Variants in PTPRO observed in about 807,000 individuals in gnomAD.
The protein encoded by PTPRO is protein tyrosine phosphatase receptor type O.
Under a neutral mutation model 145.2 loss-of-function variants are expected in PTPRO, and 62 were observed. The ratio of observed to expected loss-of-function variants is 0.43; its 90% CI spans 0.35 to 0.53. The LOEUF (loss-of-function observed/expected upper bound fraction) is 0.53. PTPRO is among the 20% of genes least tolerant of loss of function. The pLI is 0.01. For synonymous variants in PTPRO, 565 were observed against 514.7 expected, an observed-to-expected ratio of 1.10 and a Z score of -1.32; for missense variants, 1,345 against 1,482.7, an observed-to-expected ratio of 0.91 and a Z score of 1.53.
At chr12:15,427,434 G>T (rs538792934) in intron 1 of PTPRO, among the ~76,000 whole-genome samples, 1 of 151,742 alleles carries the variant, frequency 6.6e-6, no homozygotes, top group East Asian at 1.9e-4. Flanking sequence ...ATTAATGTTT[G>T]CATGTCTGTC....
Position 15,594,945 on chromosome 12 carries a change from C to T in PTPRO, c.3555C>T (p.Tyr1185=), listed in dbSNP as rs1174432439. Residue 1185 remains tyrosine (Y), a synonymous_variant, in exon 26 of 27, where the codon TAC becomes TAT. Transcript: ENST00000281171. The part of the protein sequence containing the change: ...RMSMVQTEEQ[Y]IFIHQCVQLM... ...TTTGTCTTTTGTTCCAGGAGCAGTA[C>T]ATTTTTATCCATCAGTGTGTGCAAC... 4 of 1,613,084 alleles carry T rather than the reference C, an allele frequency of 2.5e-6. No homozygotes were observed. Among genetic ancestry groups the T allele is most frequent in the African/African-American group, 1.3e-5 (1 of 74,894 alleles).
chr12:15,466,548 C>T (rs1170561275), intron 1 of PTPRO, among the ~76,000 whole-genome samples: 1 of 152,148 alleles, frequency 6.6e-6, no homozygotes, highest in East Asian at 1.9e-4. Flanking sequence ...TAGTAATATG[C>T]ATTAAATGTA....
chr12:15,472,431 C>T (rs73059078), intron 1 of PTPRO, among the ~76,000 whole-genome samples: 31,655 of 152,156 alleles, frequency 0.21, 4,156 homozygotes, highest in Admixed American at 0.31. Context: ...CTTAGCAAGG[C>T]GTGTCTTGGT....
intron 1 of PTPRO, among the ~76,000 whole-genome samples, chr12:15,453,712 G>T (rs1008489234): frequency 6.6e-6 from 1 of 152,058 alleles, no homozygotes; most frequent in Non-Finnish European, 1.5e-5. Flanking sequence ...AAACTTTATA[G>T]CCTTTAAAAT....
intron 9 of PTPRO, 108 bp downstream of exon 9, chr12:15,517,064 TAC>T: frequency 9.4e-7 from 1 of 1,062,006 alleles, no homozygotes; most frequent in Middle Eastern, 2.0e-4. Context: ...ATTTTGTAAA[TAC>T]ACATAGTGTG....
intron 26 of PTPRO, 147 bp downstream of exon 26, chr12:15,595,204 T>C: frequency 4.4e-6 from 3 of 674,852 alleles, no homozygotes; most frequent in South Asian, 1.6e-5. Context: ...CTCACATGGG[T>C]GGTCACAGGG....
intron 1 of PTPRO, among the ~76,000 whole-genome samples, chr12:15,483,014 G>A (rs1941811813): frequency 6.6e-6 from 1 of 152,076 alleles, no homozygotes; most frequent in Non-Finnish European, 1.5e-5. Flanking sequence ...TATATATGGA[G>A]CGCCTGGCAT....
intron 7 of PTPRO, among the ~76,000 whole-genome samples, chr12:15,513,070 A>C (rs1942474525): frequency 1.4e-5 from 1 of 70,642 alleles, no homozygotes; most frequent in Admixed American, 1.9e-4. Flanking sequence ...AAGAGAAAGA[A>C]GGAAAGAAAG....
chr12:15,490,144 G>T (rs528415848), intron 2 of PTPRO, among the ~76,000 whole-genome samples: 55 of 152,352 alleles, frequency 3.6e-4, no homozygotes, highest in African/African-American at 1.3e-3. Context: ...TAGCAAAGCT[G>T]CAAGCCAAGA....
At chr12:15,554,745 A>T (rs1410380876) in intron 15 of PTPRO, among the ~76,000 whole-genome samples, 1 of 152,152 alleles carries the variant, frequency 6.6e-6, no homozygotes, top group East Asian at 1.9e-4. Context: ...CCACTGACTC[A>T]TATGTTAATC....
Position 15,504,447 on chromosome 12 carries a change from A to T in PTPRO, c.1267+378A>T, listed in dbSNP as rs575561119. Among the ~76,000 whole-genome samples, 8 of 152,298 alleles carry T rather than the reference A, an allele frequency of 5.3e-5. No individual in the cohort carries two copies. In the East Asian group the frequency reaches 1.5e-3, roughly 29 times the overall value. Reference sequence around the variant, plus strand: ...GGACTGTGAAAAATCTCATTAGAGTATTGAGCTTGTGAGGCTCAAAAGAAA... The same window carrying T: ...GGACTGTGAAAAATCTCATTAGAGTTTTGAGCTTGTGAGGCTCAAAAGAAA... On this transcript the variant is annotated intron_variant, in intron 6 of 26. Transcript: ENST00000281171.
chr12:15,560,581 A>G (rs1248524197), intron 17 of PTPRO, among the ~76,000 whole-genome samples: 4 of 152,032 alleles, frequency 2.6e-5, no homozygotes, highest in South Asian at 2.1e-4. Context: ...TCCATTTTCC[A>G]TTATCATCTT....
intron 1 of PTPRO, among the ~76,000 whole-genome samples, chr12:15,368,443 C>T (rs1046851938): frequency 1.3e-5 from 2 of 152,190 alleles, no homozygotes; most frequent in African/African-American, 4.8e-5. Context: ...GCCACTGAAT[C>T]ACTGCATAAT....
At chr12:15,490,660 G>A (rs1941982559) in intron 2 of PTPRO, among the ~76,000 whole-genome samples, 2 of 152,142 alleles carry the variant, frequency 1.3e-5, no homozygotes, top group East Asian at 1.9e-4. Flanking sequence ...TAATTAGAGT[G>A]CCTACTTGGT....
chr12:15,520,600 G>A (rs1325384303), intron 10 of PTPRO, among the ~76,000 whole-genome samples: 1 of 152,134 alleles, frequency 6.6e-6, no homozygotes. Flanking sequence ...ATAGAAATAT[G>A]GCAGGCACAG....
At chr12:15,461,793 C>T (rs374230584) in intron 1 of PTPRO, among the ~76,000 whole-genome samples, 14 of 151,972 alleles carry the variant, frequency 9.2e-5, no homozygotes, top group African/African-American at 3.4e-4. Context: ...GTCTCGACCT[C>T]CTGACCTCGT....
At chr12:15,589,324 C>T (rs533946737) in intron 24 of PTPRO, 131 bp from the exon 25 acceptor site, 14 of 1,262,178 alleles carry the variant, frequency 1.1e-5, no homozygotes, top group Admixed American at 5.3e-5. Context: ...TGCAGTGAGC[C>T]GAGATCATGC....
chr12:15,354,405 C>T (rs1452107770), intron 1 of PTPRO, among the ~76,000 whole-genome samples: 15 of 152,170 alleles, frequency 9.9e-5, no homozygotes, highest in Admixed American at 9.8e-4. Context: ...GATGCCTTAT[C>T]TTTCTTAGTG....
chr12:15,365,788 G>A lies in PTPRO; in HGVS notation c.75+42987G>A, dbSNP rs1302147190. Among the ~76,000 whole-genome samples the A allele has an allele frequency of 3.9e-5, 6 of 152,138 alleles. No individual in the cohort carries two copies. In the East Asian group the frequency reaches 9.6e-4, roughly 24 times the overall value. On this transcript the variant is annotated intron_variant, in intron 1 of 26. Coordinates refer to ENST00000281171, the MANE Select transcript of PTPRO (RefSeq NM_030667.3). ...TTGTGATAAAAGAAAGGCAGAATCA[G>A]AGTCTAAAGATGGGTCAGTGAACAC...
Sources: allele counts gnomAD v4.1 joint callset (sites outside exome capture counted in the v4.1 genomes callset), GRCh38; gene constraint gnomAD v4.1.1; transcripts MANE v1.5; gene names NCBI Gene and HGNC (gene_info 2026-07-23, HGNC 2026-07-21).